Variants in PIAS2 observed in about 807,000 individuals in gnomAD.
PIAS2 encodes protein inhibitor of activated STAT 2, also known as E3 SUMO-protein ligase PIAS2.
A neutral mutation model predicts 69.7 loss-of-function variants in PIAS2; 19 were observed. The observed-to-expected ratio is 0.27, with a 90% CI of 0.19 to 0.40. The LOEUF is 0.40. Among genes scored for constraint, PIAS2 ranks in the 10% least tolerant of loss-of-function variants. PIAS2 has a pLI of 1.00. For synonymous variants in PIAS2, 261 were observed against 263.2 expected (o/e 0.99, Z 0.08); for missense variants, 624 against 757.0 (o/e 0.82, Z 2.06).
At chr18:46,845,117 T>C (rs1344364583) in intron 6 of PIAS2, 1 of 223,724 alleles carries the variant, frequency 4.5e-6, no homozygotes, top group Admixed American at 5.7e-5. Flanking sequence ...ACTATGGTTC[T>C]TATTTAGCAA....
rs2040968284 is a variant in PIAS2 at position 46,811,064 on chromosome 18, A to AACAAACACACT, written c.*1358_*1368dup. 6.6e-6 allele frequency: 1 copy of AACAAACACACT among 152,190 alleles called. No individual in the cohort carries two copies. The highest frequency in any genetic ancestry group is 1.5e-5 in the Non-Finnish European group (1 of 68,034). The allele number at this position is 152,190 out of a possible 1,614,324, so 9.4% of individuals were successfully genotyped here. ...CAGTTTTCTCTGTGATTTAAAATCA[A>AACAAACACACT]ACAAACACACTATAGAAGAGAAATT... On this transcript the variant is annotated 3_prime_UTR_variant, in exon 14 of 14. Coordinates refer to ENST00000585916, the MANE Select transcript of PIAS2 (RefSeq NM_004671.5).
At chr18:46,816,459 T>C (rs887078375) in intron 12 of PIAS2, 5 of 984,978 alleles carry the variant, frequency 5.1e-6, no homozygotes, top group Non-Finnish European at 6.0e-6. Flanking sequence ...TTTTTGAAAA[T>C]TGTTGCTACA....
chr18:46,865,749 T>G (rs2049347428), intron 2 of PIAS2, among the ~76,000 whole-genome samples: 1 of 152,280 alleles, frequency 6.6e-6, no homozygotes, highest in East Asian at 1.9e-4. Context: ...ATGGTTCATA[T>G]TTTTTCAGAA....
intron 5 of PIAS2, among the ~76,000 whole-genome samples, chr18:46,848,781 G>T (rs1487691139): frequency 1.3e-5 from 2 of 149,858 alleles, no homozygotes; most frequent in Non-Finnish European, 3.0e-5. Flanking sequence ...GTGTGTGTGT[G>T]TGTGTGTGAG....
At chr18:46,847,486 T>C (rs1220409010) in intron 5 of PIAS2, among the ~76,000 whole-genome samples, 1 of 151,462 alleles carries the variant, frequency 6.6e-6, no homozygotes, top group Non-Finnish European at 1.5e-5. Flanking sequence ...AACCGTATTT[T>C]TTTTTTTTTT....
intron 1 of PIAS2, among the ~76,000 whole-genome samples, chr18:46,900,421 C>T (rs1053016516): frequency 3.3e-5 from 5 of 150,984 alleles, no homozygotes. Context: ...TTAATCCCAG[C>T]TATTTGGGAG....
intron 12 of PIAS2, chr18:46,818,274 G>A (rs1019859710): frequency 1.0e-4 from 135 of 1,308,250 alleles, no homozygotes; most frequent in Non-Finnish European, 1.3e-4. Flanking sequence ...AGCACCATTC[G>A]CACCTGACAA....
chr18:46,836,324 G>A lies in PIAS2; in HGVS notation c.1202+33C>T, dbSNP rs970802206. ...GGCATTGCCAACAGCTGTTGTATTA[G>A]TCCATATCAGCTGTTAAAAGGGATA... On this transcript the variant is annotated intron_variant, in intron 9 of 13. Transcript: ENST00000585916. 2.6e-6 allele frequency: 4 copies of A among 1,556,882 alleles called. No individual in the cohort carries two copies. The East Asian group carries it at 9.0e-5, about 35-fold the overall frequency.
Position 46,829,023 on chromosome 18 carries a change from ATTGT to A in PIAS2, c.1336+707_1336+710del, listed in dbSNP as rs141493540. On this transcript the variant is annotated intron_variant, in intron 10 of 13. Transcript: ENST00000585916. ...CCTTTCTTCTTACTCCATTCATTAC[ATTGT>A]TTGTTAGAACTTCAAATGTAATCAG... Among the ~76,000 whole-genome samples the A allele has an allele frequency of 8.3e-4, 126 of 152,354 alleles. 1 individual carries two copies. The East Asian group carries it at 0.013, about 15-fold the overall frequency.
In PIAS2 at chr18:46,857,570, A is replaced by G. The variant is rs2048023683; in HGVS notation, c.585-1955T>C. On this transcript the variant is annotated intron_variant, in intron 3 of 13. Coordinates refer to ENST00000585916, the MANE Select transcript of PIAS2 (RefSeq NM_004671.5). ...TAATTCCCAGAAAAAAAGAAAGGAC[A>G]GAGATACAGATCAGAAACTTGTTAG... 2.6e-5 allele frequency among the ~76,000 whole-genome samples: 4 copies of G among 152,360 alleles called. No homozygotes were observed. The South Asian group carries it at 8.3e-4, about 32-fold the overall frequency.
At position 46,803,603 on chromosome 18, in the gene PIAS2, C is replaced by CA. The variant is rs1437415380; in HGVS notation, c.*8829dup. The CA allele has an allele frequency of 6.6e-6, 1 of 152,140 alleles. No homozygotes were observed. Among genetic ancestry groups the CA allele is most frequent in the Admixed American group, 6.5e-5 (1 of 15,280 alleles). 9.4% of individuals were successfully genotyped at this position (152,140 alleles called of 1,614,324 possible). Reference sequence around the variant, plus strand: ...GCAGGTGGGCATGTCTTTCAGACATCAGGTCAACTGATTTTTGTTCCAGTT... The same window carrying CA: ...GCAGGTGGGCATGTCTTTCAGACATCAAGGTCAACTGATTTTTGTTCCAGTT... On this transcript the variant is annotated 3_prime_UTR_variant, in exon 14 of 14. Coordinates refer to ENST00000585916, the MANE Select transcript of PIAS2 (RefSeq NM_004671.5).
intron 5 of PIAS2, among the ~76,000 whole-genome samples, chr18:46,854,633 CAG>C (rs1249964937): frequency 6.6e-6 from 1 of 152,138 alleles, no homozygotes; most frequent in Non-Finnish European, 1.5e-5. Flanking sequence ...TCTATTAGGC[CAG>C]AGACAGGCTG....
chr18:46,912,055 AAAAAAAGG>A (rs1238816069), intron 1 of PIAS2, among the ~76,000 whole-genome samples: 2 of 152,198 alleles, frequency 1.3e-5, no homozygotes, highest in Non-Finnish European at 2.9e-5. Context: ...CTGTCTCAAA[AAAAAAAGG>A]AAAAAAGAAA....
chr18:46,868,898 C>T (rs1457523898), intron 2 of PIAS2, among the ~76,000 whole-genome samples: 1 of 152,164 alleles, frequency 6.6e-6, no homozygotes, highest in Non-Finnish European at 1.5e-5. Flanking sequence ...AAGACCTCCC[C>T]CAGCATGATG....
At chr18:46,837,243 T>C (rs151262634) in intron 8 of PIAS2, among the ~76,000 whole-genome samples, 527 of 152,294 alleles carry the variant, frequency 3.5e-3, no homozygotes, top group Non-Finnish European at 6.5e-3. Flanking sequence ...TTAACATGCT[T>C]TGTTCCACTC....
chr18:46,813,798 T>A lies in PIAS2; in HGVS notation c.1687-1186A>T, dbSNP rs1272895752. ...TTATTTAATGCTTTGGATAGATAAC[T>A]GTTTTGGTTCATCAATAAAATGAAT... is the stretch of plus-strand genomic sequence containing the variant. On this transcript the variant is annotated intron_variant, in intron 13 of 13. Transcript: ENST00000585916. Among the ~76,000 whole-genome samples the A allele has an allele frequency of 3.3e-5, 5 of 152,302 alleles. No homozygotes were observed. The East Asian group carries it at 7.7e-4, about 23-fold the overall frequency.
chr18:46,817,023 T>G, intron 12 of PIAS2: 1 of 936,760 alleles, frequency 1.1e-6, no homozygotes, highest in South Asian at 4.9e-5. Context: ...TTTCAATATT[T>G]CTATTATTAA....
In PIAS2 at chr18:46,860,468, T is replaced by C. The variant is rs75851356; in HGVS notation, c.584+3696A>G. On this transcript the variant is annotated intron_variant, in intron 3 of 13. Transcript: ENST00000585916. Reference sequence around the variant, plus strand: ...AATTCCACAGTTGCAGCAGAGAAAATACAAGATAAGCCTTCAGCATTTTTG... The same window carrying C: ...AATTCCACAGTTGCAGCAGAGAAAACACAAGATAAGCCTTCAGCATTTTTG... Among the ~76,000 whole-genome samples, 99 of 152,124 alleles carry C rather than the reference T, an allele frequency of 6.5e-4. 2 individuals are homozygous for C. The East Asian group carries it at 0.017, about 26-fold the overall frequency.
chr18:46,849,079 G>C (rs1302963509), intron 5 of PIAS2, among the ~76,000 whole-genome samples: 1 of 152,108 alleles, frequency 6.6e-6, no homozygotes, highest in Non-Finnish European at 1.5e-5. Flanking sequence ...CAGAAGGATA[G>C]AAATAACTCA....
Sources: allele counts gnomAD v4.1 joint callset (sites outside exome capture counted in the v4.1 genomes callset), GRCh38; gene constraint gnomAD v4.1.1; transcripts MANE v1.5; gene names NCBI Gene and HGNC (gene_info 2026-07-23, HGNC 2026-07-21).